Variants in SH2D3C observed in about 807,000 individuals in gnomAD.
The protein encoded by SH2D3C is SH2 domain-containing protein 3C.
Under a neutral mutation model 75.2 loss-of-function variants are expected in SH2D3C, and 25 were observed. The observed-to-expected ratio is 0.33, with a 90% CI of 0.24 to 0.46. The LOEUF (loss-of-function observed/expected upper bound fraction) is 0.46, where lower values mean the gene tolerates loss of function less well. SH2D3C is among the 20% of genes least tolerant of loss of function. The pLI is 1.00. For missense variants in SH2D3C, 933 were observed against 1,165.3 expected, an observed-to-expected ratio of 0.80 and a Z score of 2.90; for synonymous variants, 450 against 473.7, an observed-to-expected ratio of 0.95 and a Z score of 0.65.
At chr9:127,753,314 G>C (rs1040048891) in intron 3 of SH2D3C, among the ~76,000 whole-genome samples, 1 of 152,026 alleles carries the variant, frequency 6.6e-6, no homozygotes, top group African/African-American at 2.4e-5. Context: ...GCAGGGCGGA[G>C]GGGTCAGAGA....
intron 2 of SH2D3C, among the ~76,000 whole-genome samples, chr9:127,770,263 C>T (rs1006872929): frequency 6.6e-6 from 1 of 152,152 alleles, no homozygotes; most frequent in African/African-American, 2.4e-5. Flanking sequence ...CCCTTCCTTC[C>T]TCCTGCTCCA....
rs1489009550 is a variant in SH2D3C at position 127,776,301 on chromosome 9, G to T, written c.38-1834C>A. ...CTCACACCGCTGGTAGGTGGAGCAG[G>T]TGTGCGTGTTTTGTGCTCATGTAGG... On this transcript the variant is annotated intron_variant, in intron 1 of 11. Transcript: ENST00000314830. 5.3e-5 allele frequency among the ~76,000 whole-genome samples: 8 copies of T among 152,002 alleles called. 1 individual carries two copies. Among genetic ancestry groups the T allele is most frequent in the Admixed American group, 5.2e-4 (8 of 15,262 alleles).
intron 3 of SH2D3C, among the ~76,000 whole-genome samples, chr9:127,752,456 G>C (rs1341992301): frequency 6.6e-6 from 1 of 152,082 alleles, no homozygotes; most frequent in Non-Finnish European, 1.5e-5. Flanking sequence ...CCCCAGCGCT[G>C]GCCAGAAGGC....
rs114387091 is a variant in SH2D3C, at chr9:127,766,495, C to T, written c.516-4845G>A. On this transcript the variant is annotated intron_variant, in intron 2 of 11. Transcript: ENST00000314830. The stretch of plus-strand genomic sequence containing the variant: ...TCCTCTTGTTGCTCCAGACTCCACC[C>T]ATGAAGATCTGCCACCCTCCCACCA... Among the ~76,000 whole-genome samples, 1,124 of 152,348 alleles carry T rather than the reference C, an allele frequency of 7.4e-3. 11 individuals are homozygous for T. Among genetic ancestry groups the T allele is most frequent in the African/African-American group, 0.025 (1,052 of 41,572 alleles).
intron 2 of SH2D3C, among the ~76,000 whole-genome samples, chr9:127,763,093 G>C (rs972254208): frequency 6.6e-6 from 1 of 152,118 alleles, no homozygotes; most frequent in Non-Finnish European, 1.5e-5. Context: ...CAGGGCCTTC[G>C]CACTTGCTGT....
intron 5 of SH2D3C, among the ~76,000 whole-genome samples, chr9:127,747,688 G>A (rs909059583): frequency 6.6e-6 from 1 of 151,954 alleles, no homozygotes; most frequent in South Asian, 2.1e-4. Flanking sequence ...ACAGGTGCCC[G>A]TTACCAAGCG....
At chr9:127,747,085 G>A in intron 6 of SH2D3C, 62 bp downstream of exon 6, 1 of 1,562,820 alleles carries the variant, frequency 6.4e-7, no homozygotes, top group South Asian at 1.2e-5. Context: ...ACCACACATA[G>A]GTGACAGAAG....
intron 3 of SH2D3C, chr9:127,755,434 CTGG>C (rs1845353698): frequency 3.8e-6 from 1 of 262,142 alleles, no homozygotes; most frequent in African/African-American, 2.3e-5. Flanking sequence ...CTCGGGCTGC[CTGG>C]AGCTGCGGGC....
Position 127,754,895 on chromosome 9 carries a change from G to A in SH2D3C, c.556-3595C>T, listed in dbSNP as rs1305673080. ...CCGCCGAACCCTCACCCCGCGGAGCGCCTGGGCGCCCAGAGGTGAGGCTGG... is the reference window on the plus strand; with the variant it reads ...CCGCCGAACCCTCACCCCGCGGAGCACCTGGGCGCCCAGAGGTGAGGCTGG... On this transcript the variant is annotated intron_variant, in intron 3 of 11. Coordinates refer to ENST00000314830, the MANE Select transcript of SH2D3C (RefSeq NM_170600.3). This position sits in a 1 kb window ranked among gnomAD's most constrained non-coding sequence, Gnocchi z 4.4. The A allele has an allele frequency of 7.8e-6, 4 of 510,278 alleles. No individual in the cohort carries two copies. The highest frequency in any genetic ancestry group is 1.6e-5 in the Non-Finnish European group (4 of 254,604). The allele number at this position is 510,278 out of a possible 1,614,324, so 31.6% of individuals were successfully genotyped here.
chr9:127,759,855 C>T (rs1024368358), intron 3 of SH2D3C, among the ~76,000 whole-genome samples: 1 of 151,360 alleles, frequency 6.6e-6, no homozygotes, highest in African/African-American at 2.4e-5. Context: ...TGGTGGCAGG[C>T]ACCTATAGTC....
In SH2D3C at chr9:127,754,129, C is replaced by T. The variant is rs191927939; in HGVS notation, c.556-2829G>A. Among the ~76,000 whole-genome samples the T allele has an allele frequency of 2.6e-5, 4 of 152,316 alleles. No homozygotes were observed. The highest frequency in any genetic ancestry group is 5.9e-5 in the Non-Finnish European group (4 of 68,004). ...CCCTAGAGTTGGGGGTGCTGGGGTG[C>T]GAATGCAGCATCCCTGCGCTCGGCG... On this transcript the variant is annotated intron_variant, in intron 3 of 11. Coordinates refer to ENST00000314830, the MANE Select transcript of SH2D3C (RefSeq NM_170600.3). The surrounding 1 kb of genome is among the most constrained non-coding windows in gnomAD (Gnocchi z 4.4).
Position 127,744,912 on chromosome 9 carries a change from G to A in SH2D3C, c.1452C>T (p.Leu484=), listed in dbSNP as rs770086336. The A allele has an allele frequency of 2.5e-6, 4 of 1,605,642 alleles. No homozygotes were observed. Among genetic ancestry groups the A allele is most frequent in the Non-Finnish European group, 3.4e-6 (4 of 1,174,450 alleles). Residue 484 remains leucine, a synonymous_variant, in exon 7 of 12, where the codon CTC becomes CTT. Coordinates refer to ENST00000314830, the MANE Select transcript of SH2D3C (RefSeq NM_170600.3). ...CAGAGTCCGGGTCACTGTAGCTGCTGAGTGATGGTGACGGGGAGGCCTTGC... is the reference window on the plus strand; with the variant it reads ...CAGAGTCCGGGTCACTGTAGCTGCTAAGTGATGGTGACGGGGAGGCCTTGC... ...TLGKASPSPS[L]SSYSDPDSGH... is the part of the protein sequence containing the mutation.
At position 127,739,773 on chromosome 9, in the gene SH2D3C, G is replaced by A. The variant is rs78949333; in HGVS notation, c.2316C>T (p.Gly772=). The A allele has an allele frequency of 1.3e-4, 214 of 1,604,666 alleles. No individual in the cohort carries two copies. The highest frequency in any genetic ancestry group is 7.9e-4 in the Admixed American group (47 of 59,160). Residue 772 remains glycine (G), a synonymous_variant, in exon 11 of 12, where the codon GGC becomes GGT. Coordinates refer to ENST00000314830, the MANE Select transcript of SH2D3C (RefSeq NM_170600.3). The surrounding 1 kb of genome is among the most constrained non-coding windows in gnomAD (Gnocchi z 4.3). ...GPEPWGSTEH[G]VEVVLAHLEA... is the part of the protein sequence containing the mutation. ...CCAGGTGAGCCAGCACCACCTCCAC[G>A]CCGTGCTCCGTGCTGCCCCAGGGCT...
At chr9:127,759,186 G>C (rs1435959779) in intron 3 of SH2D3C, among the ~76,000 whole-genome samples, 1 of 152,164 alleles carries the variant, frequency 6.6e-6, no homozygotes, top group Admixed American at 6.5e-5. Context: ...TTAGTTTTGT[G>C]GGGTTTTCTA....
At position 127,744,748 on chromosome 9, in the gene SH2D3C, C is replaced by T; in HGVS notation, c.1616G>A (p.Gly539Asp). The change falls in exon 7 of 12, where the codon GGC (glycine) becomes GAC (aspartate). Residue 539 changes from glycine to aspartate, a missense_variant. Transcript: ENST00000314830. ...SENGAPEGDWGKTFTVPIVEV... is the reference protein window; with the variant it reads ...SENGAPEGDWDKTFTVPIVEV... ...CACGATGGGGACTGTGAAGGTCTTG[C>T]CCCAGTCCCCTTCAGGGGCCCCATT... 1 of 1,614,202 alleles carries T rather than the reference C, an allele frequency of 6.2e-7. No homozygotes were observed. Among genetic ancestry groups the T allele is most frequent in the Non-Finnish European group, 8.5e-7 (1 of 1,180,038 alleles).
chr9:127,747,613 A>C (rs966482545), intron 5 of SH2D3C, among the ~76,000 whole-genome samples: 2 of 151,020 alleles, frequency 1.3e-5, no homozygotes, highest in East Asian at 3.9e-4. Context: ...AGCTCACTGC[A>C]ACTGCTGAAC....
Position 127,749,233 on chromosome 9 carries a change from G to A in SH2D3C, c.1117C>T (p.Arg373Cys), listed in dbSNP as rs1367072826. The A allele has an allele frequency of 1.5e-5, 24 of 1,567,864 alleles. No individual in the cohort carries two copies. Among genetic ancestry groups the A allele is most frequent in the African/African-American group, 2.7e-5 (2 of 74,152 alleles). Reference sequence around the variant, plus strand: ...GACCTGGTGGGGCAGCCATCGCTGCGGGTGACCTTGTCAGCAGTGAGCCCA... The same window carrying A: ...GACCTGGTGGGGCAGCCATCGCTGCAGGTGACCTTGTCAGCAGTGAGCCCA... ...TDGLTADKVT[R>C]SDGCPTSTSL... is the part of the protein sequence containing the mutation. Residue 373 changes from arginine (R) to cysteine (C), a missense_variant, in exon 5 of 12, where the codon CGC becomes TGC. Transcript: ENST00000314830. The surrounding 1 kb of genome is among the most constrained non-coding windows in gnomAD (Gnocchi z 5.9).
rs1338070041 is a variant in SH2D3C, at chr9:127,754,029, C to T, written c.556-2729G>A. Among the ~76,000 whole-genome samples the T allele has an allele frequency of 1.3e-5, 2 of 152,178 alleles. No individual in the cohort carries two copies. Among genetic ancestry groups the T allele is most frequent in the Non-Finnish European group, 2.9e-5 (2 of 68,010 alleles). On this transcript the variant is annotated intron_variant, in intron 3 of 11. Transcript: ENST00000314830. The surrounding 1 kb of genome is among the most constrained non-coding windows in gnomAD (Gnocchi z 4.4). ...AGAGTTTGGGGGGACCAACTTGGTC[C>T]TCCCACACACCTGAGGGTGAGGAAT...
chr9:127,741,439 A>G (rs1844853605), intron 9 of SH2D3C, among the ~76,000 whole-genome samples: 1 of 151,696 alleles, frequency 6.6e-6, no homozygotes, highest in Non-Finnish European at 1.5e-5. Flanking sequence ...GGGTTTCACC[A>G]TATTGCCTAG....
Sources: gnomAD v4.1 joint callset for allele counts (sites outside exome capture counted in the v4.1 genomes callset) on GRCh38, gnomAD v4.1.1 for gene constraint, Gnocchi (gnomAD v3.1) non-coding constraint, MANE v1.5 for transcripts, NCBI Gene and HGNC (gene_info 2026-07-23, HGNC 2026-07-21) for gene names.